Variants in NFATC3 observed in about 807,000 individuals in gnomAD.
The protein encoded by NFATC3 is nuclear factor of activated T cells 3, also known as nuclear factor of activated T-cells, cytoplasmic 3.
A neutral mutation model predicts 98.6 loss-of-function variants in NFATC3; 46 were observed. That is an observed-to-expected ratio of 0.47 (90% CI 0.37 to 0.60). The LOEUF (loss-of-function observed/expected upper bound fraction) is 0.60, where lower values mean the gene tolerates loss of function less well. Ranked by LOEUF, NFATC3 falls within the 20% of genes least tolerant of loss-of-function variation. NFATC3 has a pLI of 0.00. For missense variants in NFATC3, 1,256 were observed against 1,295.5 expected (o/e 0.97, Z 0.47); for synonymous variants, 512 against 472.2 (o/e 1.08, Z -1.09).
intron 1 of NFATC3, among the ~76,000 whole-genome samples, chr16:68,096,848 T>C (rs2035045115): frequency 6.6e-6 from 1 of 152,172 alleles, no homozygotes; most frequent in African/African-American, 2.4e-5. Flanking sequence ...GGACAGACTA[T>C]TATACTGTAT....
chr16:68,147,552 T>G (rs2151553639), intron 3 of NFATC3, among the ~76,000 whole-genome samples: 2 of 152,314 alleles, frequency 1.3e-5, no homozygotes, highest in Middle Eastern at 6.8e-3. Context: ...TACTGTCCTC[T>G]TCACAGTGCT....
chr16:68,096,599 A>G (rs942130909), intron 1 of NFATC3, among the ~76,000 whole-genome samples: 6 of 152,228 alleles, frequency 3.9e-5, no homozygotes, highest in Non-Finnish European at 8.8e-5. Context: ...TATTAATATA[A>G]CAGAGGTACG....
intron 9 of NFATC3, among the ~76,000 whole-genome samples, chr16:68,211,909 C>T (rs187215856): frequency 2.6e-5 from 4 of 152,188 alleles, no homozygotes; most frequent in Non-Finnish European, 4.4e-5. Flanking sequence ...CTTCAAGGAA[C>T]TAGAAGGATT....
intron 1 of NFATC3, among the ~76,000 whole-genome samples, chr16:68,107,206 T>C (rs2035706100): frequency 6.6e-6 from 1 of 152,248 alleles, no homozygotes; most frequent in South Asian, 2.1e-4. Flanking sequence ...GCAGTAAACA[T>C]ACACATGCAT....
rs749410692 is a variant in NFATC3 at position 68,174,493 on chromosome 16, A to G, written c.1894A>G (p.Ile632Val). 10 of 1,601,294 alleles carry G rather than the reference A, an allele frequency of 6.2e-6. No individual in the cohort carries two copies. The highest frequency in any genetic ancestry group is 7.7e-6 in the Non-Finnish European group (9 of 1,175,018). Residue 632 changes from isoleucine (I) to valine (V), a missense_variant, in exon 6 of 10, where the codon ATT becomes GTT. By Grantham distance (29) the Ile-to-Val change is conservative (BLOSUM62 3). This residue lies in a region of NFATC3 where 636 missense variants were observed against 617.3 expected (regional missense o/e 1.03). Transcript: ENST00000346183. ...TAATTTTCTTCCAGAATCCAAAATC[A>G]TTTTTCTTGAAAAAGGACAAGGTAA... The part of the protein sequence containing the change: ...GSNFLPESKI[I>V]FLEKGQDGRP...
chr16:68,098,462 C>T (rs898904608), intron 1 of NFATC3, among the ~76,000 whole-genome samples: 5 of 151,694 alleles, frequency 3.3e-5, no homozygotes, highest in African/African-American at 7.3e-5. Flanking sequence ...CCACCATGCC[C>T]GGCTAATTTT....
chr16:68,087,950 A>T (rs1404301698), intron 1 of NFATC3, among the ~76,000 whole-genome samples: 1 of 152,178 alleles, frequency 6.6e-6, no homozygotes, highest in Non-Finnish European at 1.5e-5. Flanking sequence ...TAGTGCTGCT[A>T]TGAACACATA....
At chr16:68,094,983 A>G (rs1269298420) in intron 1 of NFATC3, among the ~76,000 whole-genome samples, 1 of 152,132 alleles carries the variant, frequency 6.6e-6, no homozygotes, top group African/African-American at 2.4e-5. Flanking sequence ...ACTGGTAAAG[A>G]TGAGTGGAAT....
In NFATC3 at chr16:68,228,193, A is replaced by G. The variant is rs536760470; in HGVS notation, c.*1722A>G. On this transcript the variant is annotated 3_prime_UTR_variant, in exon 10 of 10. Coordinates refer to ENST00000346183, the MANE Select transcript of NFATC3 (RefSeq NM_173165.3). ...TAAAGTTAGTTAGAGAAAAAGGTCT[A>G]TTCTTCAGCAGATCACTGTGGCCCC... 1.3e-5 allele frequency: 2 copies of G among 152,230 alleles called. No homozygotes were observed. Among genetic ancestry groups the G allele is most frequent in the East Asian group, 1.9e-4 (1 of 5,200 alleles). The allele number at this position is 152,230 out of a possible 1,614,324, so 9.4% of individuals were successfully genotyped here.
intron 1 of NFATC3, among the ~76,000 whole-genome samples, chr16:68,086,153 ATTC>A (rs2034362154): frequency 6.6e-6 from 1 of 152,122 alleles, no homozygotes; most frequent in Non-Finnish European, 1.5e-5. Context: ...TTTTTCATCT[ATTC>A]TAGGTCGTTT....
intron 9 of NFATC3, among the ~76,000 whole-genome samples, chr16:68,202,133 C>T (rs957143948): frequency 6.6e-6 from 1 of 152,042 alleles, no homozygotes; most frequent in African/African-American, 2.4e-5. Flanking sequence ...AACAGAGCCA[C>T]AGCTGCAGCT....
chr16:68,132,467 C>G (rs1056364140), intron 3 of NFATC3, among the ~76,000 whole-genome samples: 8 of 152,060 alleles, frequency 5.3e-5, no homozygotes, highest in African/African-American at 1.7e-4. Context: ...ATTAGTATAG[C>G]CATGATGGAA....
intron 8 of NFATC3, 113 bp from the exon 9 acceptor site, chr16:68,190,655 C>A: frequency 2.9e-6 from 3 of 1,046,216 alleles, no homozygotes; most frequent in Non-Finnish European, 4.1e-6. Flanking sequence ...CCTTCCTTGG[C>A]ATTTGAGTTT....
intron 1 of NFATC3, among the ~76,000 whole-genome samples, chr16:68,097,273 C>G (rs1360096882): frequency 1.3e-5 from 2 of 152,186 alleles, no homozygotes; most frequent in Non-Finnish European, 2.9e-5. Context: ...ATGGCCCTTG[C>G]CTTCATGAAG....
At chr16:68,179,498 A>T (rs1469740863) in intron 6 of NFATC3, among the ~76,000 whole-genome samples, 1 of 152,220 alleles carries the variant, frequency 6.6e-6, no homozygotes, top group Non-Finnish European at 1.5e-5. Flanking sequence ...GGACTGGAAA[A>T]TGATAGTTAC....
At chr16:68,135,578 GTTC>G (rs2037358704) in intron 3 of NFATC3, among the ~76,000 whole-genome samples, 1 of 149,318 alleles carries the variant, frequency 6.7e-6, no homozygotes, top group Non-Finnish European at 1.5e-5. Context: ...TTACTTTTTA[GTTC>G]TTATCTAAAT....
Position 68,099,531 on chromosome 16 carries a change from G to A in NFATC3, c.103+13747G>A, listed in dbSNP as rs867094192. ...CAGGCGAATCGCTTGAACCTGGGAG[G>A]CGAGGGTTGCAGTGAGCTGAGATTG... On this transcript the variant is annotated intron_variant, in intron 1 of 9. Coordinates refer to ENST00000346183, the MANE Select transcript of NFATC3 (RefSeq NM_173165.3). Among the ~76,000 whole-genome samples, 76 of 151,806 alleles carry A rather than the reference G, an allele frequency of 5.0e-4. 2 individuals are homozygous for A. Among genetic ancestry groups the A allele is most frequent in the Non-Finnish European group, 3.5e-4 (24 of 67,954 alleles).
At chr16:68,177,027 CTTTTCTTTT>C (rs2039744179) in intron 6 of NFATC3, among the ~76,000 whole-genome samples, 1 of 139,526 alleles carries the variant, frequency 7.2e-6, no homozygotes, top group Non-Finnish European at 1.6e-5. Context: ...TCTTTCTTTT[CTTTTCTTTT>C]TTTTTTTTTT....
At chr16:68,110,389 A>G (rs1309542368) in intron 1 of NFATC3, among the ~76,000 whole-genome samples, 1 of 150,538 alleles carries the variant, frequency 6.6e-6, no homozygotes, top group Non-Finnish European at 1.5e-5. Context: ...GCTCACTGTA[A>G]GCTCCGCCTC....
Sources: gnomAD v4.1 joint callset for allele counts (sites outside exome capture counted in the v4.1 genomes callset) on GRCh38, gnomAD v4.1.1 for gene constraint, gnomAD v4.1.1 regional missense constraint, MANE v1.5 for transcripts, NCBI Gene and HGNC (gene_info 2026-07-23, HGNC 2026-07-21) for gene names.